Variants in SLX4 observed in about 807,000 individuals in gnomAD.
The protein encoded by SLX4 is SLX4 structure-specific endonuclease subunit, also known as structure-specific endonuclease subunit SLX4.
SLX4 carries 112 observed loss-of-function variants against 146.2 expected under a neutral mutation model. That is an observed-to-expected ratio of 0.77 (90% CI 0.66 to 0.90). SLX4 has a LOEUF of 0.90. Among genes scored for constraint, SLX4 ranks in the 40% least tolerant of loss-of-function variants. The probability of loss-of-function intolerance (pLI) is 0.00; values close to 1 mark genes in which losing one functional copy is unlikely to be tolerated. For missense variants in SLX4, 2,563 were observed against 2,392.7 expected, an observed-to-expected ratio of 1.07 and a Z score of -1.49; for synonymous variants, 1,061 against 997.7, an observed-to-expected ratio of 1.06 and a Z score of -1.20.
At chr16:3,585,517 C>T (rs570105442) in intron 12 of SLX4, among the ~76,000 whole-genome samples, 18 of 139,738 alleles carry the variant, frequency 1.3e-4, no homozygotes, top group South Asian at 9.4e-4. Flanking sequence ...ACCTGGGAGG[C>T]GGAGCTTGCA....
rs1263321133 is a variant in SLX4 at position 3,602,226 on chromosome 16, G to C, written c.842C>G (p.Ala281Gly). The change falls in exon 4 of 15, where the codon GCA becomes GGA. Residue 281 changes from alanine (A) to glycine (G), a missense_variant. By Grantham distance (60) the Ala-to-Gly change is moderately conservative. Transcript: ENST00000294008. Reference sequence around the variant, plus strand: ...CTCCAGGCTATCATCATGTGCCGATGCTCCTACCCGTGCAAACTCCTGCTG... The same window carrying C: ...CTCCAGGCTATCATCATGTGCCGATCCTCCTACCCGTGCAAACTCCTGCTG... ...TLQQEFARVG[A>G]SAHDDSLEEK... 1.9e-6 allele frequency: 3 copies of C among 1,614,042 alleles called. No individual in the cohort carries two copies. Among genetic ancestry groups the C allele is most frequent in the Non-Finnish European group, 2.5e-6 (3 of 1,180,044 alleles).
chr16:3,590,623 C>T lies in SLX4; in HGVS notation c.3015G>A (p.Glu1005=). The change falls in exon 12 of 15, where the codon GAG becomes GAA. Residue 1005 remains glutamate, a synonymous_variant. Coordinates refer to ENST00000294008, the MANE Select transcript of SLX4 (RefSeq NM_032444.4). The surrounding 1 kb of genome is among the most constrained non-coding windows in gnomAD (Gnocchi z 4.8). ...SEPSQITSEP[E]EQSGAVRERG... ...TTTCCCTGACAGCGCCACTTTGTTCCTCGGGCTCACTTGTTATTTGGGACG... is the reference window on the plus strand; with the variant it reads ...TTTCCCTGACAGCGCCACTTTGTTCTTCGGGCTCACTTGTTATTTGGGACG... The T allele has an allele frequency of 6.2e-7, 1 of 1,614,164 alleles. No homozygotes were observed. The highest frequency in any genetic ancestry group is 1.1e-5 in the South Asian group (1 of 91,086).
intron 9 of SLX4, 130 bp downstream of exon 9, chr16:3,595,475 G>A: frequency 1.0e-6 from 1 of 999,956 alleles, no homozygotes. Context: ...CAGCCTTCTG[G>A]AAAGCAGAGG....
chr16:3,609,623 C>G (rs2040826272), intron 1 of SLX4, 57 bp from the exon 2 acceptor site: 1 of 152,806 alleles, frequency 6.5e-6, no homozygotes, highest in Non-Finnish European at 1.5e-5. Flanking sequence ...TATGCCAGTT[C>G]TTCCAGGGAG....
At position 3,590,101 on chromosome 16, in the gene SLX4, C is replaced by G. The variant is rs2151123408; in HGVS notation, c.3537G>C (p.Lys1179Asn). The G allele has an allele frequency of 6.2e-7, 1 of 1,614,172 alleles. No individual in the cohort carries two copies. The highest frequency in any genetic ancestry group is 8.5e-7 in the Non-Finnish European group (1 of 1,180,038). The change falls in exon 12 of 15, where the codon AAG (lysine) becomes AAC (asparagine). Residue 1179 changes from lysine to asparagine, a missense_variant. Transcript: ENST00000294008. The surrounding 1 kb of genome is among the most constrained non-coding windows in gnomAD (Gnocchi z 4.8). The stretch of plus-strand genomic sequence containing the variant: ...ACCTAGGGCTAATTTCTAGAGCTTT[C>G]TTTTCTTCCAGAGGATCACTAGAAA... ...KSISSDPLEE[K>N]KALEISPRSC... is the part of the protein sequence containing the mutation.
chr16:3,593,932 T>C lies in SLX4; in HGVS notation c.2160+521A>G, dbSNP rs370968802. On this transcript the variant is annotated intron_variant, in intron 10 of 14. Transcript: ENST00000294008. ...TGTCGCCCAGGCTGGAGTGCAGTGG[T>C]GCAATCTCAGCTCATTGGAAGCTCC... is the stretch of plus-strand genomic sequence containing the variant. Among the ~76,000 whole-genome samples the C allele has an allele frequency of 9.9e-5, 15 of 152,258 alleles. No homozygotes were observed. The East Asian group carries it at 1.9e-3, about 20-fold the overall frequency.
At position 3,591,714 on chromosome 16, in the gene SLX4, G is replaced by A. The variant is rs111864481; in HGVS notation, c.2328-404C>T. Among the ~76,000 whole-genome samples, 627 of 152,106 alleles carry A rather than the reference G, an allele frequency of 4.1e-3. 3 individuals are homozygous for A. Among genetic ancestry groups the A allele is most frequent in the African/African-American group, 0.014 (583 of 41,480 alleles). Reference sequence around the variant, plus strand: ...GGGAAGCCGAGGATCACTCAAGGCCGGGAGTTTGAGATCAGCCTGGACAAC... The same window carrying A: ...GGGAAGCCGAGGATCACTCAAGGCCAGGAGTTTGAGATCAGCCTGGACAAC... On this transcript the variant is annotated intron_variant, in intron 11 of 14. Transcript: ENST00000294008.
chr16:3,602,178 T>C lies in SLX4; in HGVS notation c.890A>G (p.Gln297Arg), dbSNP rs778643553. 20 of 1,614,086 alleles carry C rather than the reference T, an allele frequency of 1.2e-5. No homozygotes were observed. The highest frequency in any genetic ancestry group is 1.7e-5 in the Non-Finnish European group (20 of 1,180,050). ...SLEEKGLFFC[Q>R]ICQKNLSAMN... ...GGCTGAGAGGTTCTTTTGACAAATCTGGCAGAAGAACAAACCCTTTTCCTC... is the reference window on the plus strand; with the variant it reads ...GGCTGAGAGGTTCTTTTGACAAATCCGGCAGAAGAACAAACCCTTTTCCTC... Residue 297 changes from glutamine to arginine, a missense_variant, in exon 4 of 15, where the codon CAG becomes CGG. Coordinates refer to ENST00000294008, the MANE Select transcript of SLX4 (RefSeq NM_032444.4).
chr16:3,601,213 A>G (rs1343058151), intron 4 of SLX4, 22 bp from the exon 5 acceptor site: 1 of 1,612,598 alleles, frequency 6.2e-7, no homozygotes, highest in Admixed American at 1.7e-5. Flanking sequence ...CAGTCAATAC[A>G]GGAGAACCAC....
intron 3 of SLX4, among the ~76,000 whole-genome samples, chr16:3,602,982 T>A (rs1805028668): frequency 2.0e-5 from 3 of 152,204 alleles, no homozygotes; most frequent in Admixed American, 6.5e-5. Flanking sequence ...AAGTTCTTCA[T>A]GGCTGTGGCC....
At chr16:3,596,917 G>A (rs1461290169) in intron 7 of SLX4, among the ~76,000 whole-genome samples, 4 of 151,058 alleles carry the variant, frequency 2.6e-5, no homozygotes, top group African/African-American at 9.7e-5. Context: ...CCGCCTCCCC[G>A]GTTCAAGCGA....
In SLX4 at chr16:3,610,230, T is replaced by C. The variant is rs77224704; in HGVS notation, c.-602-664A>G. 1.2e-3 allele frequency among the ~76,000 whole-genome samples: 185 copies of C among 152,326 alleles called. 2 individuals are homozygous for C. In the East Asian group the frequency reaches 0.029, roughly 24 times the overall value. On this transcript the variant is annotated intron_variant, in intron 1 of 14. Transcript: ENST00000294008. ...ACTGTCCAAGGAATCTAATTAATCA[T>C]TTTGTTTTCCAGAGCTGAAAATACT...
At chr16:3,588,738 G>A (rs556857194) in intron 12 of SLX4, among the ~76,000 whole-genome samples, 15 of 152,326 alleles carry the variant, frequency 9.8e-5, no homozygotes, top group Non-Finnish European at 1.5e-4. Context: ...GTCCACAGAT[G>A]TGGATTTTTA....
At chr16:3,596,995 G>A (rs2040668015) in intron 7 of SLX4, among the ~76,000 whole-genome samples, 1 of 152,000 alleles carries the variant, frequency 6.6e-6, no homozygotes, top group South Asian at 2.1e-4. Context: ...GCTAATTTTT[G>A]TATTCTTAGT....
At position 3,597,480 on chromosome 16, in the gene SLX4, T is replaced by G. The variant is rs1376475349; in HGVS notation, c.1582A>C (p.Ser528Arg). ...AGTGCGCTGCCCTCCCACAGAAAGC[T>G]CTGCTTGCGTTCAGGTGGAGGAGGA... ...QCPPPPERKQ[S>R]FLWEGSALTG... Residue 528 changes from serine to arginine, a missense_variant, in exon 7 of 15, where the codon AGC (serine) becomes CGC (arginine). By Grantham distance (110) the Ser-to-Arg change is moderately radical. Coordinates refer to ENST00000294008, the MANE Select transcript of SLX4 (RefSeq NM_032444.4). This position sits in a 1 kb window ranked among gnomAD's most constrained non-coding sequence, Gnocchi z 4.4. 6.2e-7 allele frequency: 1 copy of G among 1,613,992 alleles called. No individual in the cohort carries two copies. The highest frequency in any genetic ancestry group is 1.3e-5 in the African/African-American group (1 of 75,004).
intron 5 of SLX4, among the ~76,000 whole-genome samples, chr16:3,599,331 C>A (rs774161900): frequency 7.2e-5 from 11 of 152,186 alleles, no homozygotes; most frequent in Non-Finnish European, 1.3e-4. Context: ...CTCCTGACAG[C>A]GGTCTCAAAC....
chr16:3,605,918 G>A (rs1483915488), intron 3 of SLX4, among the ~76,000 whole-genome samples: 3 of 126,746 alleles, frequency 2.4e-5, no homozygotes, highest in Non-Finnish European at 4.7e-5. Context: ...CTGCACTCCA[G>A]CCTGGGTGAC....
intron 3 of SLX4, among the ~76,000 whole-genome samples, chr16:3,602,530 A>G (rs958050273): frequency 1.3e-5 from 2 of 152,194 alleles, no homozygotes; most frequent in Non-Finnish European, 2.9e-5. Context: ...ATGGATATGC[A>G]TTACCTGGGA....
chr16:3,598,372 G>A (rs188441478), intron 5 of SLX4, among the ~76,000 whole-genome samples: 4 of 152,234 alleles, frequency 2.6e-5, no homozygotes, highest in African/African-American at 4.8e-5. Flanking sequence ...CAATACTTCC[G>A]ATGCTCCTTA....
Sources: gnomAD v4.1 joint callset for allele counts (sites outside exome capture counted in the v4.1 genomes callset) on GRCh38, gnomAD v4.1.1 for gene constraint, Gnocchi (gnomAD v3.1) non-coding constraint, MANE v1.5 for transcripts, NCBI Gene and HGNC (gene_info 2026-07-23, HGNC 2026-07-21) for gene names.